The following PIGG variants were observed in gnomAD, a reference collection of about 807,000 sequenced individuals.
PIGG encodes GPI ethanolamine phosphate transferase 2, catalytic subunit.
In PIGG, 70 loss-of-function variants were observed where a neutral mutation model predicts 83.2. That is an observed-to-expected ratio of 0.84 (90% CI 0.69 to 1.03). The LOEUF is 1.03. Ranked by LOEUF, PIGG falls within the 50% of genes least tolerant of loss-of-function variation. PIGG has a pLI of 0.00. For missense variants in PIGG, 1,257 were observed against 1,233.6 expected (o/e 1.02, Z -0.28); for synonymous variants, 532 against 519.5 (o/e 1.02, Z -0.33).
chr4:521,253 G>A lies in PIGG; in HGVS notation c.1312G>A (p.Gly438Arg). The change falls in exon 7 of 13, where the codon GGG becomes AGG. Residue 438 changes from glycine to arginine, a missense_variant. Coordinates refer to ENST00000453061, the MANE Select transcript of PIGG (RefSeq NM_001127178.3). The part of the protein sequence containing the change: ...AQYDIYSMMV[G>R]TVVVLEVLTL... ...GTACGACATCTATTCGATGATGGTGGGGACTGTCGTGGTTTTGGAGGTACA... is the reference window on the plus strand; with the variant it reads ...GTACGACATCTATTCGATGATGGTGAGGACTGTCGTGGTTTTGGAGGTACA... 1.9e-6 allele frequency: 3 copies of A among 1,613,258 alleles called. No individual in the cohort carries two copies. The highest frequency in any genetic ancestry group is 2.5e-6 in the Non-Finnish European group (3 of 1,179,268).
At chr4:506,844 C>T in intron 3 of PIGG, 1 of 455,026 alleles carries the variant, frequency 2.2e-6, no homozygotes, top group South Asian at 1.5e-5. Context: ...GCTTCATCAT[C>T]CTGCTGGTTA....
intron 11 of PIGG, chr4:532,092 G>C (rs1026426782): frequency 6.6e-6 from 1 of 152,290 alleles, no homozygotes; most frequent in Non-Finnish European, 1.5e-5. Flanking sequence ...CCTACTTCCT[G>C]CCCTCGACTG....
At chr4:527,913 C>A in intron 10 of PIGG, 1 of 985,324 alleles carries the variant, frequency 1.0e-6, no homozygotes, top group Non-Finnish European at 1.2e-6. Context: ...TAGCTGTTTC[C>A]ATTTATCTCA....
At chr4:519,232 G>A (rs1724974604) in intron 6 of PIGG, among the ~76,000 whole-genome samples, 1 of 152,184 alleles carries the variant, frequency 6.6e-6, no homozygotes. Context: ...GCGTGTCTGT[G>A]AGCCCTACTG....
At chr4:530,921 G>A (rs1160577541) in intron 11 of PIGG, 176 bp downstream of exon 11, 10 of 586,224 alleles carry the variant, frequency 1.7e-5, no homozygotes, top group Admixed American at 6.4e-5. Flanking sequence ...TTTAAGACAC[G>A]CGTCCCAGGT....
At chr4:500,344 T>C in intron 1 of PIGG, 52 bp from the exon 2 acceptor site, 1 of 1,307,024 alleles carries the variant, frequency 7.7e-7, no homozygotes, top group Non-Finnish European at 1.1e-6. Flanking sequence ...AGGTGCTTGA[T>C]GCTAAGGAAA....
intron 6 of PIGG, among the ~76,000 whole-genome samples, chr4:516,652 T>C (rs2108890295): frequency 6.6e-6 from 1 of 151,884 alleles, no homozygotes; most frequent in Admixed American, 6.6e-5. Flanking sequence ...AGTCAGGAAT[T>C]GAAGACCAGC....
intron 6 of PIGG, among the ~76,000 whole-genome samples, chr4:516,549 C>T (rs961355251): frequency 3.3e-5 from 5 of 152,064 alleles, no homozygotes; most frequent in Non-Finnish European, 5.9e-5. Context: ...CCGATGGTGA[C>T]GAGTACCTTA....
chr4:530,906 G>A (rs987282275), intron 11 of PIGG, 161 bp downstream of exon 11: 4 of 610,570 alleles, frequency 6.6e-6, no homozygotes, highest in South Asian at 2.1e-5. Context: ...AAGTACAGCC[G>A]GTTGTTTAAG....
intron 11 of PIGG, chr4:533,059 A>G (rs3211083): frequency 0.19 from 28,691 of 152,946 alleles, 3,264 homozygotes; most frequent in African/African-American, 0.33. Flanking sequence ...GGGCCTGCGC[A>G]GAGAGGCAGG....
At chr4:500,367 A>C in intron 1 of PIGG, 29 bp from the exon 2 acceptor site, 20 of 1,548,694 alleles carry the variant, frequency 1.3e-5, no homozygotes, top group Non-Finnish European at 1.6e-5. Context: ...TTAGAGTTCA[A>C]TTTCCTTTTT....
rs1720110186 is a variant in PIGG, at chr4:507,421, C to T, written c.587C>T (p.Thr196Met). The T allele has an allele frequency of 3.1e-6, 5 of 1,611,260 alleles. No homozygotes were observed. Among genetic ancestry groups the T allele is most frequent in the East Asian group, 2.2e-5 (1 of 44,818 alleles). ...CCTTCAAAGGTGGATAATAATGTCA[C>T]GAGGCATTTGGATAAAGTATTAAAA... ...SDYTEVDNNVTRHLDKVLKRG... is the reference protein window; with the variant it reads ...SDYTEVDNNVMRHLDKVLKRG... The change falls in exon 4 of 13, where the codon ACG becomes ATG. Residue 196 changes from threonine (T) to methionine (M), a missense_variant. Coordinates refer to ENST00000453061, the MANE Select transcript of PIGG (RefSeq NM_001127178.3).
intron 8 of PIGG, chr4:522,411 G>A (rs1726266547): frequency 4.3e-6 from 1 of 234,716 alleles, no homozygotes; most frequent in Non-Finnish European, 8.4e-6. Flanking sequence ...GCCTCATCAG[G>A]TCCAGATTTC....
At chr4:503,661 T>TA (rs2108770889) in intron 2 of PIGG, among the ~76,000 whole-genome samples, 1 of 152,096 alleles carries the variant, frequency 6.6e-6, no homozygotes, top group East Asian at 1.9e-4. Context: ...CTTGGTTAAA[T>TA]ACGTTATTGT....
At chr4:513,366 A>C (rs908942391) in intron 5 of PIGG, among the ~76,000 whole-genome samples, 3 of 152,170 alleles carry the variant, frequency 2.0e-5, no homozygotes, top group Non-Finnish European at 4.4e-5. Flanking sequence ...TTTGAAAATA[A>C]GCGGTTTTGG....
Position 535,601 on chromosome 4 carries a change from A to G in PIGG, c.2735+1620A>G, listed in dbSNP as rs532526660. 3.3e-5 allele frequency among the ~76,000 whole-genome samples: 5 copies of G among 152,184 alleles called. No individual in the cohort carries two copies. In the East Asian group the frequency reaches 7.8e-4, roughly 24 times the overall value. On this transcript the variant is annotated intron_variant, in intron 12 of 12. Transcript: ENST00000453061. ...GGAGCGCGCTGTGGCCTCTCCGCTGAGCAGTGAGGCTGGAGGGCTCCTACG... is the reference window on the plus strand; with the variant it reads ...GGAGCGCGCTGTGGCCTCTCCGCTGGGCAGTGAGGCTGGAGGGCTCCTACG...
intron 5 of PIGG, among the ~76,000 whole-genome samples, chr4:513,648 A>G (rs898917468): frequency 1.4e-4 from 22 of 152,166 alleles, no homozygotes; most frequent in Non-Finnish European, 2.9e-4. Context: ...TTGAATGTTG[A>G]AGACTCAGCA....
intron 12 of PIGG, among the ~76,000 whole-genome samples, chr4:535,345 C>G (rs962033732): frequency 8.0e-4 from 122 of 152,356 alleles, no homozygotes; most frequent in African/African-American, 2.7e-3. Context: ...GTGCCCCGTG[C>G]TCCACGCTTG....
At chr4:500,747 G>A (rs782778989) in intron 2 of PIGG, 146 bp downstream of exon 2, 99 of 641,784 alleles carry the variant, frequency 1.5e-4, no homozygotes, top group Non-Finnish European at 2.4e-4. Context: ...GAATGTTGAA[G>A]GAGCCTCACA....
Sources: gnomAD v4.1 joint callset for allele counts (sites outside exome capture counted in the v4.1 genomes callset) on GRCh38, gnomAD v4.1.1 for gene constraint, MANE v1.5 for transcripts, NCBI Gene and HGNC (gene_info 2026-07-23, HGNC 2026-07-21) for gene names.